MORC1: variants seen among roughly 807,000 people sequenced by gnomAD.
The protein encoded by MORC1 is MORC family CW-type zinc finger protein 1.
A neutral mutation model predicts 134.9 loss-of-function variants in MORC1; 59 were observed. That is an observed-to-expected ratio of 0.44 (90% CI 0.35 to 0.54). The LOEUF is 0.54. MORC1 is among the 20% of genes least tolerant of loss of function. MORC1 has a pLI of 0.00. For synonymous variants in MORC1, 395 were observed against 391.7 expected, an observed-to-expected ratio of 1.01 and a Z score of -0.10; for missense variants, 947 against 1,134.5, an observed-to-expected ratio of 0.83 and a Z score of 2.37.
chr3:109,081,365 A>G (rs569983291), intron 8 of MORC1, among the ~76,000 whole-genome samples: 1 of 152,264 alleles, frequency 6.6e-6, no homozygotes, highest in East Asian at 1.9e-4. Context: ...TAATACCAGC[A>G]ATACCACAGA....
chr3:109,096,648 G>T (rs1278647064), intron 6 of MORC1, among the ~76,000 whole-genome samples: 1 of 152,070 alleles, frequency 6.6e-6, no homozygotes, highest in African/African-American at 2.4e-5. Context: ...TAATCAAGAA[G>T]TAACTATAAG....
At chr3:109,098,061 A>G (rs1225748573) in intron 6 of MORC1, among the ~76,000 whole-genome samples, 1 of 152,106 alleles carries the variant, frequency 6.6e-6, no homozygotes, top group Non-Finnish European at 1.5e-5. Context: ...TCAAAAGAAC[A>G]GGCCATTTAT....
intron 6 of MORC1, 57 bp from the exon 7 acceptor site, chr3:109,095,125 T>C: frequency 6.8e-7 from 1 of 1,468,304 alleles, no homozygotes; most frequent in Non-Finnish European, 9.2e-7. Context: ...CATTATTCTT[T>C]TGTCTTATCT....
Position 108,995,308 on chromosome 3 carries a change from T to TA in MORC1, c.2187+5248dup, listed in dbSNP as rs555278557. Among the ~76,000 whole-genome samples the TA allele has an allele frequency of 1.9e-3, 282 of 152,250 alleles. 2 individuals carry two copies. The highest frequency in any genetic ancestry group is 6.0e-3 in the African/African-American group (249 of 41,536). On this transcript the variant is annotated intron_variant, in intron 21 of 27. Coordinates refer to ENST00000232603, the MANE Select transcript of MORC1 (RefSeq NM_014429.4). ...TAGCATACCTATAAAAGGTGTGATT[T>TA]AAAAAAAATTCCACTTCCTTCCCAT...
intron 27 of MORC1, among the ~76,000 whole-genome samples, chr3:108,960,852 A>G (rs1361742035): frequency 2.6e-5 from 4 of 152,202 alleles, no homozygotes; most frequent in Non-Finnish European, 4.4e-5. Flanking sequence ...TTTTTCTTTA[A>G]TAATGTAAAA....
chr3:109,078,121 C>T (rs1041691684), intron 8 of MORC1, among the ~76,000 whole-genome samples: 1 of 151,826 alleles, frequency 6.6e-6, no homozygotes, highest in African/African-American at 2.4e-5. Context: ...ATGTACATAG[C>T]AATAAATATT....
intron 14 of MORC1, among the ~76,000 whole-genome samples, chr3:109,040,066 G>A (rs891701709): frequency 6.6e-6 from 1 of 151,806 alleles, no homozygotes; most frequent in Non-Finnish European, 1.5e-5. Context: ...TATAGCTCAG[G>A]CTGATCTGCA....
intron 20 of MORC1, among the ~76,000 whole-genome samples, chr3:109,001,201 T>C (rs1318273321): frequency 1.3e-5 from 2 of 152,012 alleles, no homozygotes; most frequent in Non-Finnish European, 2.9e-5. Flanking sequence ...GGTGTGATCT[T>C]GGCTCACTGC....
intron 8 of MORC1, among the ~76,000 whole-genome samples, chr3:109,081,177 A>G (rs1269565912): frequency 6.6e-6 from 1 of 152,172 alleles, no homozygotes; most frequent in Non-Finnish European, 1.5e-5. Flanking sequence ...AAGAAAAACA[A>G]AGAAAAATGT....
rs1321436488 is a variant in MORC1, at chr3:109,114,836, C to T, written c.66-399G>A. On this transcript the variant is annotated intron_variant, in intron 1 of 27. Transcript: ENST00000232603. The stretch of plus-strand genomic sequence containing the variant: ...GAATACTGATCAAAATCCTTGCCTA[C>T]TAAAAGGCCATAAGGCTCCATGTGC... 2.6e-5 allele frequency among the ~76,000 whole-genome samples: 4 copies of T among 152,336 alleles called. No individual in the cohort carries two copies. In the East Asian group the frequency reaches 7.7e-4, roughly 29 times the overall value.
At chr3:108,996,269 CGTGCGTG>C (rs1553745264) in intron 21 of MORC1, among the ~76,000 whole-genome samples, 169 of 125,760 alleles carry the variant, frequency 1.3e-3, no homozygotes, top group Admixed American at 5.6e-3. Context: ...CACATGTGCG[CGTGCGTG>C]CGCGCGCGCG....
intron 27 of MORC1, 60 bp downstream of exon 27, chr3:108,963,354 A>G (rs1433359430): frequency 1.9e-5 from 26 of 1,378,800 alleles, no homozygotes; most frequent in Non-Finnish European, 2.6e-5. Flanking sequence ...AGGAGAAGTT[A>G]GCTGAGTTCT....
chr3:109,010,506 C>A (rs1459752761), intron 17 of MORC1, among the ~76,000 whole-genome samples: 2 of 151,838 alleles, frequency 1.3e-5, no homozygotes, highest in Non-Finnish European at 1.5e-5. Flanking sequence ...TTTAATTTTT[C>A]TTTTCTCTAA....
chr3:108,985,849 T>A (rs1387714019), intron 22 of MORC1, among the ~76,000 whole-genome samples: 1 of 152,140 alleles, frequency 6.6e-6, no homozygotes, highest in Non-Finnish European at 1.5e-5. Flanking sequence ...CTATAAAAGA[T>A]TGGCTTTAAA....
intron 8 of MORC1, among the ~76,000 whole-genome samples, chr3:109,085,411 G>A (rs1310780829): frequency 6.6e-6 from 1 of 151,916 alleles, no homozygotes; most frequent in Non-Finnish European, 1.5e-5. Flanking sequence ...ACAACTCAAT[G>A]GCAAAATACC....
At chr3:109,017,686 T>C (rs1214283792) in intron 17 of MORC1, among the ~76,000 whole-genome samples, 4 of 152,238 alleles carry the variant, frequency 2.6e-5, no homozygotes, top group African/African-American at 9.6e-5. Flanking sequence ...GAAATCTGAA[T>C]AACACAGTTA....
Position 109,087,354 on chromosome 3 carries a change from G to A in MORC1, c.689+6082C>T, listed in dbSNP as rs563424199. On this transcript the variant is annotated intron_variant, in intron 8 of 27. Transcript: ENST00000232603. ...ATAGTCTCAGCCCAAAAGCTCCTTC[G>A]GCTAATAAACAACTTTAGCAAAGTT... Among the ~76,000 whole-genome samples, 8 of 152,024 alleles carry A rather than the reference G, an allele frequency of 5.3e-5. No individual in the cohort carries two copies. In the East Asian group the frequency reaches 5.8e-4, roughly 11 times the overall value.
chr3:109,100,038 G>A (rs1950897147), intron 5 of MORC1, among the ~76,000 whole-genome samples: 1 of 152,168 alleles, frequency 6.6e-6, no homozygotes, highest in African/African-American at 2.4e-5. Context: ...GAGGTCAGGA[G>A]TTCGAGACTA....
intron 27 of MORC1, among the ~76,000 whole-genome samples, chr3:108,960,637 C>T (rs953502317): frequency 1.3e-5 from 2 of 152,104 alleles, no homozygotes; most frequent in African/African-American, 4.8e-5. Context: ...TTAGCCAAAG[C>T]TTTCACAGAA....
Sources: allele counts gnomAD v4.1 joint callset (sites outside exome capture counted in the v4.1 genomes callset), GRCh38; gene constraint gnomAD v4.1.1; transcripts MANE v1.5; gene names NCBI Gene and HGNC (gene_info 2026-07-23, HGNC 2026-07-21).